NOX1: variants seen among roughly 807,000 people sequenced by gnomAD.
NOX1 encodes the protein NADPH oxidase 1, also known as NADH/NADPH mitogenic oxidase subunit P65-MOX.
NOX1 carries 34 observed loss-of-function variants against 42.5 expected under a neutral mutation model. The observed-to-expected ratio is 0.80, with a 90% CI of 0.61 to 1.07. The LOEUF is 1.07. Among genes scored for constraint, NOX1 ranks in the 50% least tolerant of loss-of-function variants. NOX1 has a pLI of 0.00. For missense variants in NOX1, 408 were observed against 427.0 expected (o/e 0.96, Z 0.39); for synonymous variants, 143 against 152.5 (o/e 0.94, Z 0.46).
intron 2 of NOX1, among the ~76,000 whole-genome samples, chrX:100,865,658 G>T (rs1222694305): frequency 1.8e-5 from 2 of 112,942 alleles, no homozygotes; most frequent in Non-Finnish European, 3.7e-5. Flanking sequence ...GCAATGAATT[G>T]TTATTCTCTT....
chrX:100,873,850 G>A, intron 1 of NOX1, among the ~76,000 whole-genome samples: 1 of 111,417 alleles, frequency 9.0e-6, no homozygotes, highest in Middle Eastern at 4.6e-3. Flanking sequence ...AAGAGAAAGG[G>A]AGATGACAGA....
chrX:100,871,280 G>A (rs759897820), intron 1 of NOX1, among the ~76,000 whole-genome samples: 2 of 112,057 alleles, frequency 1.8e-5, no homozygotes, highest in South Asian at 7.5e-4. Context: ...GAGTAGTTGG[G>A]ACAGAGACCA....
At chrX:100,863,284 G>T in intron 3 of NOX1, 41 bp from the exon 4 acceptor site, 1 of 1,088,086 alleles carries the variant, frequency 9.2e-7, no homozygotes, top group Non-Finnish European at 1.3e-6. Flanking sequence ...TCGCCAGCCA[G>T]CTTTATTAAA....
At chrX:100,855,790 G>A (rs182235604) in intron 7 of NOX1, 29 of 1,062,580 alleles carry the variant, frequency 2.7e-5, no homozygotes, top group East Asian at 2.1e-4. Flanking sequence ...CCACCTCCAC[G>A]ACCACTTCGA....
chrX:100,853,288 T>TTC (rs1367158003), intron 7 of NOX1, among the ~76,000 whole-genome samples: 4 of 69,662 alleles, frequency 5.7e-5, no homozygotes, highest in African/African-American at 2.0e-4. Context: ...CTTTCTTTCT[T>TTC]TCTTTCTTTC....
At position 100,855,912 on chromosome X, in the gene NOX1, G is replaced by T; in HGVS notation, c.805-4587C>A. The T allele has an allele frequency of 4.3e-6, 5 of 1,174,149 alleles. No individual in the cohort carries two copies. The South Asian group carries it at 8.9e-5, about 21-fold the overall frequency. On this transcript the variant is annotated intron_variant, in intron 7 of 12. Transcript: ENST00000372966. ...TTTCGGAATGACAATCTTATCCACG[G>T]AGTCATGGTCGTCAAAAGTTACAAA... is the stretch of plus-strand genomic sequence containing the variant.
At chrX:100,849,546 C>T (rs1232695977) in intron 10 of NOX1, 120 bp from the exon 11 acceptor site, 7 of 783,003 alleles carry the variant, frequency 8.9e-6, no homozygotes, top group Admixed American at 7.3e-5. Flanking sequence ...TAGGAACGAG[C>T]CTTCCAACAT....
chrX:100,855,995 C>G, intron 7 of NOX1: 1 of 1,102,937 alleles, frequency 9.1e-7, no homozygotes, highest in Admixed American at 2.2e-5. Context: ...TTCCATTTTT[C>G]CAAACTGTTC....
At chrX:100,869,490 G>A (rs916642953) in intron 2 of NOX1, among the ~76,000 whole-genome samples, 2 of 109,805 alleles carry the variant, frequency 1.8e-5, no homozygotes, top group Non-Finnish European at 3.8e-5. Context: ...AAGAATGCTT[G>A]TGATTTCTGT....
intron 10 of NOX1, 71 bp downstream of exon 10, chrX:100,849,701 A>G: frequency 9.6e-7 from 1 of 1,042,351 alleles, no homozygotes; most frequent in Non-Finnish European, 1.3e-6. Context: ...TCAATTGTAA[A>G]GAGCTTAGCC....
rs941707555 is a variant in NOX1, at chrX:100,870,772, A to G, written c.88T>C (p.Phe30Leu). The part of the protein sequence containing the change: ...GLNVFLFVDA[F>L]LKYEKADKYY... ...TTGTCGGCCTTCTCATATTTCAGGA[A>G]GGCATCCACAAACAGGAAAACATTC... is the stretch of plus-strand genomic sequence containing the variant. The change falls in exon 2 of 13, where the codon TTC becomes CTC. Residue 30 changes from phenylalanine to leucine, a missense_variant. Physicochemically the swap from Phe to Leu is conservative, Grantham distance 22 (BLOSUM62 0). Coordinates refer to ENST00000372966, the MANE Select transcript of NOX1 (RefSeq NM_007052.5). 3 of 1,197,721 alleles carry G rather than the reference A, an allele frequency of 2.5e-6. No homozygotes were observed. The highest frequency in any genetic ancestry group is 3.5e-5 in the African/African-American group (2 of 56,800).
At chrX:100,854,386 TTC>T (rs1745848960) in intron 7 of NOX1, among the ~76,000 whole-genome samples, 1 of 111,372 alleles carries the variant, frequency 9.0e-6, no homozygotes, top group Non-Finnish European at 1.9e-5. Context: ...AAAACTGGTA[TTC>T]TCTCTCTTAG....
rs1341376026 is a variant in NOX1, at chrX:100,862,214, T to A, written c.761A>T (p.Asp254Val). The A allele has an allele frequency of 1.2e-5, 15 of 1,208,751 alleles. No individual in the cohort carries two copies. The highest frequency in any genetic ancestry group is 1.7e-5 in the Non-Finnish European group (15 of 894,437). Residue 254 changes from aspartate to valine, a missense_variant, in exon 7 of 13, where the codon GAC becomes GTC. Asp to Val is a radical substitution (Grantham distance 152). Transcript: ENST00000372966. ...AAACTTAGGGCGCCTACAGTGGGAG[T>A]CACGATCATCCCACATCTCAAAAGA... ...AESFEMWDDRDSHCRRPKFEG... is the reference protein window; with the variant it reads ...AESFEMWDDRVSHCRRPKFEG...
intron 2 of NOX1, among the ~76,000 whole-genome samples, chrX:100,864,768 G>A (rs936862031): frequency 8.9e-6 from 1 of 112,029 alleles, no homozygotes; most frequent in African/African-American, 3.2e-5. Flanking sequence ...CTGTACAACC[G>A]GTCTCTGAGT....
intron 7 of NOX1, among the ~76,000 whole-genome samples, chrX:100,855,061 T>C (rs776873171): frequency 8.9e-6 from 1 of 112,471 alleles, no homozygotes; most frequent in East Asian, 2.8e-4. Flanking sequence ...TGGAATGCTT[T>C]ACACTTTCCA....
At chrX:100,845,611 G>GTTTTTTT (rs773049273) in intron 12 of NOX1, among the ~76,000 whole-genome samples, 1 of 42,781 alleles carries the variant, frequency 2.3e-5, no homozygotes, top group African/African-American at 1.2e-4. Context: ...GAAACTATGT[G>GTTTTTTT]TTTTTTTTTT....
intron 2 of NOX1, among the ~76,000 whole-genome samples, chrX:100,864,411 G>A (rs1463403209): frequency 1.8e-5 from 2 of 112,505 alleles, no homozygotes; most frequent in African/African-American, 6.5e-5. Flanking sequence ...CATAAGAGTT[G>A]TATAATAAAA....
At chrX:100,853,326 C>CTT (rs1440649806) in intron 7 of NOX1, among the ~76,000 whole-genome samples, 1 of 21,233 alleles carries the variant, frequency 4.7e-5, no homozygotes, top group South Asian at 1.7e-3. Flanking sequence ...TTCTTTCTCT[C>CTT]TCTTTCTCTT....
At chrX:100,856,089 G>A (rs1196539281) in intron 7 of NOX1, 14 of 1,066,548 alleles carry the variant, frequency 1.3e-5, no homozygotes, top group African/African-American at 1.8e-5. Flanking sequence ...TGGGCACCTG[G>A]TCTTTGAGAA....
Sources: gnomAD v4.1 joint callset for allele counts (sites outside exome capture counted in the v4.1 genomes callset) on GRCh38, gnomAD v4.1.1 for gene constraint, MANE v1.5 for transcripts, NCBI Gene and HGNC (gene_info 2026-07-23, HGNC 2026-07-21) for gene names.